Variants in CGNL1 observed in about 807,000 individuals in gnomAD.
CGNL1 encodes the protein cingulin-like protein 1.
Under a neutral mutation model 141.2 loss-of-function variants are expected in CGNL1, and 132 were observed. The observed-to-expected ratio is 0.93, with a 90% confidence interval of 0.81 to 1.08. The LOEUF (loss-of-function observed/expected upper bound fraction) is 1.08, where lower values mean the gene tolerates loss of function less well. Ranked by LOEUF, CGNL1 falls within the 50% of genes least tolerant of loss-of-function variation. The pLI is 0.00. For missense variants in CGNL1, 1,870 were observed against 1,588.6 expected, an observed-to-expected ratio of 1.18 and a Z score of -3.01; for synonymous variants, 690 against 622.1, an observed-to-expected ratio of 1.11 and a Z score of -1.63.
intron 1 of CGNL1, among the ~76,000 whole-genome samples, chr15:57,419,656 A>G (rs1457144666): frequency 1.3e-5 from 2 of 152,288 alleles, no homozygotes; most frequent in Middle Eastern, 3.4e-3. Context: ...TGGGAGGAAG[A>G]CCACAGAGAT....
rs115367361 is a variant in CGNL1 at position 57,521,938 on chromosome 15, C to T, written c.2716-1551C>T. 6.6e-3 allele frequency among the ~76,000 whole-genome samples: 1,007 copies of T among 152,244 alleles called. 13 individuals are homozygous for T. Among genetic ancestry groups the T allele is most frequent in the African/African-American group, 0.024 (977 of 41,542 alleles). On this transcript the variant is annotated intron_variant, in intron 10 of 18. Coordinates refer to ENST00000281282, the MANE Select transcript of CGNL1 (RefSeq NM_032866.5). ...TGTATTTGTTGTTTTCACAGATTGA[C>T]GTTTTTTGGGACATGTGTTTTGAGG... is the stretch of plus-strand genomic sequence containing the variant.
intron 14 of CGNL1, among the ~76,000 whole-genome samples, chr15:57,537,177 G>C (rs2922215): frequency 6.6e-6 from 1 of 151,992 alleles, no homozygotes; most frequent in South Asian, 2.1e-4. Context: ...GCCCAGTGGA[G>C]AGATGACTCA....
chr15:57,475,492 G>GGTGTGTGTGTGTGTGTGTGT, intron 8 of CGNL1, among the ~76,000 whole-genome samples: 1 of 147,920 alleles, frequency 6.8e-6, no homozygotes, highest in African/African-American at 2.5e-5. Context: ...ATACAAGTGT[G>GGTGTGTGTGTGTGTGTGTGT]GTGTGTGTGT....
At chr15:57,486,664 A>G (rs1378885182) in intron 8 of CGNL1, among the ~76,000 whole-genome samples, 1 of 152,218 alleles carries the variant, frequency 6.6e-6, no homozygotes, top group Non-Finnish European at 1.5e-5. Context: ...AGGCATTGAG[A>G]AGGAACAGAG....
In CGNL1 at chr15:57,543,775, G is replaced by A; in HGVS notation, c.3371G>A (p.Arg1124Lys). The stretch of plus-strand genomic sequence containing the variant: ...GAGTGCGACAAGATTTCCCTGGAGA[G>A]GCAGGTGAGGGCAGCCAGCCTGTGA... ...DLECDKISLE[R>K]QNKDLKSRII... is the part of the protein sequence containing the mutation. The change falls in exon 15 of 19, where the codon AGG (arginine) becomes AAG (lysine). Residue 1124 changes from arginine to lysine, a missense_variant. By Grantham distance (26) the Arg-to-Lys change is conservative. Coordinates refer to ENST00000281282, the MANE Select transcript of CGNL1 (RefSeq NM_032866.5). 1 of 1,613,360 alleles carries A rather than the reference G, an allele frequency of 6.2e-7. No individual in the cohort carries two copies. The highest frequency in any genetic ancestry group is 8.5e-7 in the Non-Finnish European group (1 of 1,179,400).
At position 57,503,769 on chromosome 15, in the gene CGNL1, G is replaced by A. The variant is rs114837820; in HGVS notation, c.2404-13011G>A. On this transcript the variant is annotated intron_variant, in intron 8 of 18. Transcript: ENST00000281282. ...GGCGGCAGCAAGAGAAAATGAGGAA[G>A]ATACAGAAGCGGAAACCTCTAATAA... 4.0e-3 allele frequency among the ~76,000 whole-genome samples: 613 copies of A among 152,304 alleles called. 5 individuals carry two copies. The highest frequency in any genetic ancestry group is 0.014 in the African/African-American group (572 of 41,554).
chr15:57,419,752 A>C (rs1779155780), intron 1 of CGNL1, among the ~76,000 whole-genome samples: 2 of 152,314 alleles, frequency 1.3e-5, no homozygotes, highest in Admixed American at 1.3e-4. Flanking sequence ...TGGCTCAATC[A>C]GTGTCTGCCA....
chr15:57,393,613 T>C (rs1242776833), intron 1 of CGNL1, among the ~76,000 whole-genome samples: 1 of 152,196 alleles, frequency 6.6e-6, no homozygotes, highest in African/African-American at 2.4e-5. Context: ...ATCCAAAGAA[T>C]CTGAGATCAT....
chr15:57,477,185 A>G (rs2063667250), intron 8 of CGNL1, among the ~76,000 whole-genome samples: 1 of 152,188 alleles, frequency 6.6e-6, no homozygotes, highest in Non-Finnish European at 1.5e-5. Context: ...CTGGGGACAA[A>G]GAAGTCAAGC....
In CGNL1 at chr15:57,453,721, C is replaced by T. The variant is rs1387123917; in HGVS notation, c.2093C>T (p.Thr698Ile). 2 of 1,613,872 alleles carry T rather than the reference C, an allele frequency of 1.2e-6. No individual in the cohort carries two copies. The highest frequency in any genetic ancestry group is 1.3e-5 in the African/African-American group (1 of 74,920). The change falls in exon 7 of 19, where the codon ACT becomes ATT. Residue 698 changes from threonine to isoleucine, a missense_variant. Thr to Ile is a moderately conservative substitution (Grantham distance 89). Coordinates refer to ENST00000281282, the MANE Select transcript of CGNL1 (RefSeq NM_032866.5). ...AAGATGGAACGGGAGCAGCATCAGACTGAGATCAGGGATCTCCAGGACCAG... is the reference window on the plus strand; with the variant it reads ...AAGATGGAACGGGAGCAGCATCAGATTGAGATCAGGGATCTCCAGGACCAG... ...QVKMEREQHQTEIRDLQDQLS... is the reference protein window; with the variant it reads ...QVKMEREQHQIEIRDLQDQLS...
At chr15:57,428,939 C>T (rs527497773) in intron 1 of CGNL1, among the ~76,000 whole-genome samples, 1 of 152,122 alleles carries the variant, frequency 6.6e-6, no homozygotes, top group East Asian at 1.9e-4. Flanking sequence ...AGGAGAATTG[C>T]TTGAACCCAG....
At chr15:57,475,256 C>G (rs1595743925) in intron 8 of CGNL1, among the ~76,000 whole-genome samples, 1 of 152,330 alleles carries the variant, frequency 6.6e-6, no homozygotes, top group Non-Finnish European at 1.5e-5. Flanking sequence ...TCCCACCTGC[C>G]TTTGCAACCC....
In CGNL1 at chr15:57,491,087, G is replaced by A. The variant is rs1357855478; in HGVS notation, c.2404-25693G>A. On this transcript the variant is annotated intron_variant, in intron 8 of 18. Transcript: ENST00000281282. ...GTGGGATCAAGAGTCAGAAAAGGAT[G>A]TTAGGTAAAAACTAAGGAAAGCTGA... Among the ~76,000 whole-genome samples, 4 of 152,272 alleles carry A rather than the reference G, an allele frequency of 2.6e-5. No homozygotes were observed. In the East Asian group the frequency reaches 7.7e-4, roughly 29 times the overall value.
intron 1 of CGNL1, among the ~76,000 whole-genome samples, chr15:57,380,470 A>G (rs2062412193): frequency 6.6e-6 from 1 of 152,100 alleles, no homozygotes; most frequent in Non-Finnish European, 1.5e-5. Context: ...AACTTTTCTA[A>G]TCAAGAGGAA....
intron 14 of CGNL1, among the ~76,000 whole-genome samples, chr15:57,539,936 C>T (rs1250597566): frequency 6.6e-6 from 1 of 152,188 alleles, no homozygotes. Context: ...TTGGTGGTGG[C>T]CAGGAGTAAA....
rs181080428 is a variant in CGNL1, at chr15:57,463,223, C to T, written c.2403+1331C>T. ...TAAGGAAAATCAAACTTGTGCCTCACATGGGGTGGGGGCTATTTATTGGAA... is the reference window on the plus strand; with the variant it reads ...TAAGGAAAATCAAACTTGTGCCTCATATGGGGTGGGGGCTATTTATTGGAA... On this transcript the variant is annotated intron_variant, in intron 8 of 18. Transcript: ENST00000281282. 9.9e-4 allele frequency among the ~76,000 whole-genome samples: 151 copies of T among 152,220 alleles called. 2 individuals carry two copies. Among genetic ancestry groups the T allele is most frequent in the South Asian group, 5.0e-3 (24 of 4,824 alleles).
intron 1 of CGNL1, among the ~76,000 whole-genome samples, chr15:57,379,248 C>G (rs1311357416): frequency 6.6e-6 from 1 of 152,098 alleles, no homozygotes; most frequent in African/African-American, 2.4e-5. Flanking sequence ...ACTCTACCCC[C>G]CCAAAAAGAA....
At chr15:57,437,873 G>C (rs1481064160) in intron 1 of CGNL1, 112 bp from the exon 2 acceptor site, 1 of 1,058,502 alleles carries the variant, frequency 9.4e-7, no homozygotes, top group Non-Finnish European at 1.4e-6. Context: ...TGTTTAAAAT[G>C]TCTTGTTTTC....
In CGNL1 at chr15:57,546,130, A is replaced by T; in HGVS notation, c.3664A>T (p.Ile1222Phe). ...GCAGGTGGAGGAGGCTGAGGAGGAA[A>T]TCGACAGACTGGAAAGTTCTAAAAA... ...KRQVEEAEEE[I>F]DRLESSKKKL... The change falls in exon 18 of 19, where the codon ATC becomes TTC. Residue 1222 changes from isoleucine to phenylalanine, a missense_variant. By Grantham distance (21) the Ile-to-Phe change is conservative. Coordinates refer to ENST00000281282, the MANE Select transcript of CGNL1 (RefSeq NM_032866.5). The T allele has an allele frequency of 1.2e-6, 2 of 1,614,050 alleles. No homozygotes were observed. Among genetic ancestry groups the T allele is most frequent in the Non-Finnish European group, 1.7e-6 (2 of 1,180,004 alleles).
Sources: allele counts gnomAD v4.1 joint callset (sites outside exome capture counted in the v4.1 genomes callset), GRCh38; gene constraint gnomAD v4.1.1; transcripts MANE v1.5; gene names NCBI Gene and HGNC (gene_info 2026-07-23, HGNC 2026-07-21).